Variants in TENM2 observed in about 807,000 individuals in gnomAD.
TENM2 encodes teneurin-2.
Under a neutral mutation model 245.2 loss-of-function variants are expected in TENM2, and 52 were observed. The observed-to-expected ratio is 0.21, with a 90% CI of 0.17 to 0.27. The LOEUF (loss-of-function observed/expected upper bound fraction) is 0.27, where lower values mean the gene tolerates loss of function less well. Among genes scored for constraint, TENM2 ranks in the 10% least tolerant of loss-of-function variants. The pLI is 1.00. For missense variants in TENM2, 3,046 were observed against 3,666.8 expected, an observed-to-expected ratio of 0.83 and a Z score of 4.37; for synonymous variants, 1,363 against 1,438.9, an observed-to-expected ratio of 0.95 and a Z score of 1.19.
At chr5:167,496,308 A>G (rs1054573718) in intron 2 of TENM2, among the ~76,000 whole-genome samples, 2 of 152,044 alleles carry the variant, frequency 1.3e-5, no homozygotes, top group East Asian at 3.9e-4. Context: ...GTCTCTTTGC[A>G]TTACTTCTTT....
At position 168,062,004 on chromosome 5, in the gene TENM2, A is replaced by G. The variant is rs1001639692; in HGVS notation, c.1310-56A>G. The G allele has an allele frequency of 1.1e-5, 16 of 1,455,392 alleles. No individual in the cohort carries two copies. In the African/African-American group the frequency reaches 1.9e-4, roughly 17 times the overall value. The allele number at this position is 1,455,392 out of a possible 1,614,324, so 90.2% of individuals were successfully genotyped here. A position where few individuals can be genotyped will look rare whatever the true frequency, so the allele number is the denominator to read the frequency against. On this transcript the variant is annotated intron_variant, in intron 6 of 28. Transcript: ENST00000518659. ...CTGGCATGTAATTAAACAAATATAG[A>G]GCCAACTAATCTATACACGTCATTG...
chr5:168,196,453 G>T (rs950665304), intron 15 of TENM2, among the ~76,000 whole-genome samples: 6 of 152,132 alleles, frequency 3.9e-5, no homozygotes, highest in Non-Finnish European at 7.4e-5. Flanking sequence ...AGCCGGTGGG[G>T]TTTTTTTGTT....
At chr5:167,932,581 T>C (rs1446097330) in intron 3 of TENM2, among the ~76,000 whole-genome samples, 1 of 152,126 alleles carries the variant, frequency 6.6e-6, no homozygotes, top group African/African-American at 2.4e-5. Context: ...TACATACATA[T>C]GTGTGTAAGA....
rs1344899165 is a variant in TENM2 at position 167,801,110 on chromosome 5, ATATATATATATATATATATAT to A, written c.503-74875_503-74855del. Among the ~76,000 whole-genome samples, 15 of 62,558 alleles carry A rather than the reference ATATATATATATATATATATAT, an allele frequency of 2.4e-4. 1 individual carries two copies. Among genetic ancestry groups the A allele is most frequent in the African/African-American group, 7.2e-4 (12 of 16,554 alleles). The allele number at this position is 62,558 out of a possible 152,430, so 41.0% of individuals were successfully genotyped here. On this transcript the variant is annotated intron_variant, in intron 2 of 28. Transcript: ENST00000518659. ...TATTTGAAAAGAAAAAAAAAAAAAA[ATATATATATATATATATATAT>A]ATATATATATATATATATATATGTA... is the stretch of plus-strand genomic sequence containing the variant.
intron 1 of TENM2, among the ~76,000 whole-genome samples, chr5:167,340,142 CA>C (rs1165372837): frequency 1.6e-4 from 24 of 152,174 alleles, no homozygotes; most frequent in African/African-American, 5.6e-4. Flanking sequence ...CACTTTATAA[CA>C]AGGACACCTT....
the TENM2 span, among the ~76,000 whole-genome samples, chr5:167,212,184 G>A: frequency 2.6e-4 from 40 of 152,290 alleles, no homozygotes; most frequent in South Asian, 8.3e-3. Flanking sequence ...AGATGAGAGG[G>A]AAGTGAAACA....
the TENM2 span, among the ~76,000 whole-genome samples, chr5:167,158,939 T>TCC: frequency 4.4e-3 from 646 of 145,998 alleles, 9 homozygotes; most frequent in African/African-American, 0.016. Context: ...TCTCTCCTTC[T>TCC]TTCTTTCTTT....
intron 2 of TENM2, chr5:167,653,395 A>G (rs183724389): frequency 1.3e-5 from 2 of 152,330 alleles, no homozygotes; most frequent in East Asian, 3.9e-4. Flanking sequence ...AGCTGGAATT[A>G]CAGGCACAAG....
intron 3 of TENM2, among the ~76,000 whole-genome samples, chr5:167,944,706 G>C (rs1779469458): frequency 6.6e-6 from 1 of 152,220 alleles, no homozygotes; most frequent in Admixed American, 6.5e-5. Flanking sequence ...CTGCTGATGG[G>C]TATGTTGTAT....
At chr5:168,209,588 C>T (rs1195446958) in intron 19 of TENM2, among the ~76,000 whole-genome samples, 1 of 152,200 alleles carries the variant, frequency 6.6e-6, no homozygotes, top group African/African-American at 2.4e-5. Flanking sequence ...ACTCCAAGTG[C>T]ACCTTCCTCA....
At chr5:167,894,075 A>G (rs1208624028) in intron 3 of TENM2, among the ~76,000 whole-genome samples, 2 of 152,242 alleles carry the variant, frequency 1.3e-5, no homozygotes, top group Non-Finnish European at 2.9e-5. Flanking sequence ...TCACAGTTCA[A>G]GAAGTTTAAT....
intron 2 of TENM2, among the ~76,000 whole-genome samples, chr5:167,705,452 G>A (rs972801299): frequency 6.6e-6 from 1 of 152,140 alleles, no homozygotes; most frequent in Non-Finnish European, 1.5e-5. Flanking sequence ...TTTAGAAGAC[G>A]TTCTTTATGA....
intron 2 of TENM2, among the ~76,000 whole-genome samples, chr5:167,862,471 C>T (rs1771912082): frequency 6.6e-6 from 1 of 152,198 alleles, no homozygotes; most frequent in Admixed American, 6.5e-5. Flanking sequence ...TGCACCCAAT[C>T]CTGAGGATGA....
chr5:167,706,459 A>ATATATC (rs1226382819), intron 2 of TENM2, among the ~76,000 whole-genome samples: 9 of 150,964 alleles, frequency 6.0e-5, no homozygotes, highest in Admixed American at 1.3e-4. Flanking sequence ...CTGTGTGTAG[A>ATATATC]TATATCTATA....
intron 28 of TENM2, among the ~76,000 whole-genome samples, chr5:168,261,737 A>T (rs1300935365): frequency 6.6e-6 from 1 of 152,338 alleles, no homozygotes; most frequent in Non-Finnish European, 1.5e-5. Context: ...ATGACCCGGT[A>T]AGTGTGTAGG....
At chr5:167,074,627 T>C in the TENM2 span, among the ~76,000 whole-genome samples, 1 of 152,238 alleles carries the variant, frequency 6.6e-6, no homozygotes, top group Non-Finnish European at 1.5e-5. Context: ...TCTGGCTCCA[T>C]TTTGATGGCG....
chr5:167,489,736 A>C (rs983845066), intron 2 of TENM2, among the ~76,000 whole-genome samples: 2 of 152,164 alleles, frequency 1.3e-5, no homozygotes, highest in African/African-American at 4.8e-5. Flanking sequence ...TATGTACTGG[A>C]TATACATGCT....
intron 2 of TENM2, among the ~76,000 whole-genome samples, chr5:167,554,366 T>A (rs1773132233): frequency 6.6e-6 from 1 of 152,182 alleles, no homozygotes; most frequent in African/African-American, 2.4e-5. Context: ...GAGTGATGAT[T>A]ATTTTCATTC....
At chr5:167,394,872 C>G (rs1412057761) in intron 2 of TENM2, among the ~76,000 whole-genome samples, 1 of 152,176 alleles carries the variant, frequency 6.6e-6, no homozygotes, top group African/African-American at 2.4e-5. Context: ...CCTGGGATTA[C>G]AAGTGTGAGC....
Sources: allele counts gnomAD v4.1 joint callset (sites outside exome capture counted in the v4.1 genomes callset), GRCh38; gene constraint gnomAD v4.1.1; transcripts MANE v1.5; gene names NCBI Gene and HGNC (gene_info 2026-07-23, HGNC 2026-07-21).